KIAA1549L: variants seen among roughly 807,000 people sequenced by gnomAD.
KIAA1549L encodes UPF0606 protein KIAA1549L.
KIAA1549L carries 88 observed loss-of-function variants against 160.7 expected under a neutral mutation model. That is an observed-to-expected ratio of 0.55 (90% CI 0.46 to 0.65). KIAA1549L has a LOEUF of 0.65. Among genes scored for constraint, KIAA1549L ranks in the 30% least tolerant of loss-of-function variants. The probability of loss-of-function intolerance (pLI) is 0.00; values close to 1 mark genes in which losing one functional copy is unlikely to be tolerated. For synonymous variants in KIAA1549L, 950 were observed against 976.7 expected, an observed-to-expected ratio of 0.97 and a Z score of 0.51; for missense variants, 2,258 against 2,437.5, an observed-to-expected ratio of 0.93 and a Z score of 1.55.
At chr11:33,413,947 C>T (rs1023497978) in intron 1 of KIAA1549L, among the ~76,000 whole-genome samples, 2 of 152,140 alleles carry the variant, frequency 1.3e-5, no homozygotes, top group African/African-American at 2.4e-5. Context: ...GAGCAGGGAT[C>T]TGACAAAGGA....
intron 10 of KIAA1549L, among the ~76,000 whole-genome samples, chr11:33,576,335 AC>A (rs1855446668): frequency 6.6e-6 from 1 of 152,140 alleles, no homozygotes; most frequent in Non-Finnish European, 1.5e-5. Context: ...CCTCACAGAC[AC>A]AACTTTGTCT....
At chr11:33,409,629 C>CGCATCATAATCTATGGGATAGATGCTATT (rs1206375921) in intron 1 of KIAA1549L, among the ~76,000 whole-genome samples, 1 of 152,118 alleles carries the variant, frequency 6.6e-6, no homozygotes, top group East Asian at 1.9e-4. Context: ...TTACTTTTTC[C>CGCATCATAATCTATGGGATAGATGCTATT]TTTCTCTTCT....
At chr11:33,607,945 AG>A (rs2133325224) in intron 14 of KIAA1549L, among the ~76,000 whole-genome samples, 1 of 152,326 alleles carries the variant, frequency 6.6e-6, no homozygotes, top group African/African-American at 2.4e-5. Flanking sequence ...TTTTAAACCA[AG>A]AAGCTGAAGC....
At chr11:33,519,885 G>T (rs1363502070) in intron 1 of KIAA1549L, among the ~76,000 whole-genome samples, 1 of 151,684 alleles carries the variant, frequency 6.6e-6, no homozygotes, top group East Asian at 1.9e-4. Context: ...GCAGTAAGAG[G>T]TACGAAATAT....
chr11:33,668,190 C>T lies in KIAA1549L; in HGVS notation c.*36C>T, dbSNP rs772456896. The T allele has an allele frequency of 2.8e-5, 45 of 1,589,280 alleles. No homozygotes were observed. The highest frequency in any genetic ancestry group is 3.6e-5 in the Non-Finnish European group (42 of 1,165,452). On this transcript the variant is annotated 3_prime_UTR_variant, in exon 21 of 21. Coordinates refer to ENST00000658780, the MANE Select transcript of KIAA1549L (RefSeq NM_012194.3). Reference sequence around the variant, plus strand: ...CCGTGGGACTCTGGACTTCCAAACTCTGAGGACTCAGCCTTTGGGTTTCCC... The same window carrying T: ...CCGTGGGACTCTGGACTTCCAAACTTTGAGGACTCAGCCTTTGGGTTTCCC...
chr11:33,420,759 A>G (rs372352890), intron 1 of KIAA1549L, among the ~76,000 whole-genome samples: 8 of 152,314 alleles, frequency 5.3e-5, no homozygotes, highest in African/African-American at 1.9e-4. Context: ...TTGTTAGCAT[A>G]AACGTTTCAT....
At chr11:33,428,607 A>G (rs1590237095) in intron 1 of KIAA1549L, among the ~76,000 whole-genome samples, 1 of 152,166 alleles carries the variant, frequency 6.6e-6, no homozygotes, top group East Asian at 1.9e-4. Flanking sequence ...AGCTTCATCC[A>G]TGTCCCTACA....
At chr11:33,627,775 C>G (rs1020230862) in intron 16 of KIAA1549L, among the ~76,000 whole-genome samples, 2 of 151,864 alleles carry the variant, frequency 1.3e-5, no homozygotes, top group Non-Finnish European at 2.9e-5. Context: ...TTTTTTGTGT[C>G]TCTATTTCCT....
intron 12 of KIAA1549L, among the ~76,000 whole-genome samples, chr11:33,597,434 C>T (rs1850230762): frequency 6.6e-6 from 1 of 152,192 alleles, no homozygotes; most frequent in Admixed American, 6.5e-5. Context: ...GAAGGATACA[C>T]AGCTTCCAGC....
At chr11:33,535,026 C>T (rs186373428) in intron 1 of KIAA1549L, among the ~76,000 whole-genome samples, 68 of 152,330 alleles carry the variant, frequency 4.5e-4, no homozygotes, top group Non-Finnish European at 8.8e-4. Context: ...TGCACAGGGT[C>T]TCACAGGGCT....
Position 33,624,349 on chromosome 11 carries a change from A to G in KIAA1549L, c.5409+5687A>G, listed in dbSNP as rs962503862. 3.9e-5 allele frequency among the ~76,000 whole-genome samples: 6 copies of G among 152,318 alleles called. No homozygotes were observed. The East Asian group carries it at 1.2e-3, about 29-fold the overall frequency. ...AATCCATCTTCTAGTCCTAAGCAGC[A>G]TGGCTTAGAGTCCACTAGTTCCTTA... On this transcript the variant is annotated intron_variant, in intron 16 of 20. Coordinates refer to ENST00000658780, the MANE Select transcript of KIAA1549L (RefSeq NM_012194.3).
At chr11:33,405,644 A>G (rs376915101) in intron 1 of KIAA1549L, among the ~76,000 whole-genome samples, 67 of 151,678 alleles carry the variant, frequency 4.4e-4, no homozygotes, top group African/African-American at 1.5e-3. Flanking sequence ...CAGATAGAGA[A>G]CATCCTGGCC....
chr11:33,383,662 G>A (rs1006088607), intron 1 of KIAA1549L, among the ~76,000 whole-genome samples: 1 of 152,184 alleles, frequency 6.6e-6, no homozygotes, highest in African/African-American at 2.4e-5. Context: ...TCCAGGACAA[G>A]AAACTCTCAC....
chr11:33,571,385 G>T (rs899273392), intron 9 of KIAA1549L, among the ~76,000 whole-genome samples: 1 of 152,158 alleles, frequency 6.6e-6, no homozygotes, highest in African/African-American at 2.4e-5. Flanking sequence ...AGTGTTTTCC[G>T]GAGAGTGTCT....
At chr11:33,480,733 T>C (rs901725034) in intron 1 of KIAA1549L, among the ~76,000 whole-genome samples, 1 of 152,136 alleles carries the variant, frequency 6.6e-6, no homozygotes, top group Non-Finnish European at 1.5e-5. Flanking sequence ...TTTCCTATTC[T>C]CCGTTTGTGC....
intron 10 of KIAA1549L, among the ~76,000 whole-genome samples, chr11:33,577,278 G>A (rs1326156370): frequency 6.6e-6 from 1 of 152,222 alleles, no homozygotes; most frequent in Non-Finnish European, 1.5e-5. Flanking sequence ...GTGTGGGGAA[G>A]CAGTGACAGC....
chr11:33,503,765 G>A (rs1046355285), intron 1 of KIAA1549L, among the ~76,000 whole-genome samples: 2 of 152,166 alleles, frequency 1.3e-5, no homozygotes, highest in African/African-American at 4.8e-5. Context: ...TTTGACAACT[G>A]GATTCACTGT....
rs898216418 is a variant in KIAA1549L at position 33,446,149 on chromosome 11, C to T, written c.238+69260C>T. Reference sequence around the variant, plus strand: ...TTGCTCTGTCACCCAGGCTGGAATGCAGTGGTGCCGTCTCAGCTCACTGCA... The same window carrying T: ...TTGCTCTGTCACCCAGGCTGGAATGTAGTGGTGCCGTCTCAGCTCACTGCA... On this transcript the variant is annotated intron_variant, in intron 1 of 20. Transcript: ENST00000658780. 8.1e-5 allele frequency among the ~76,000 whole-genome samples: 12 copies of T among 147,916 alleles called. No homozygotes were observed. In the East Asian group the frequency reaches 2.4e-3, roughly 29 times the overall value.
chr11:33,510,439 G>A (rs917673691), intron 1 of KIAA1549L, among the ~76,000 whole-genome samples: 11 of 152,052 alleles, frequency 7.2e-5, no homozygotes, highest in Non-Finnish European at 1.3e-4. Context: ...CACTCGTCTC[G>A]GCCTCCCAAA....
Sources: gnomAD v4.1 joint callset for allele counts (sites outside exome capture counted in the v4.1 genomes callset) on GRCh38, gnomAD v4.1.1 for gene constraint, MANE v1.5 for transcripts, NCBI Gene and HGNC (gene_info 2026-07-23, HGNC 2026-07-21) for gene names.